The following RASAL2 variants were observed in gnomAD, a reference collection of about 807,000 sequenced individuals.
RASAL2 encodes the protein ras GTPase-activating protein nGAP.
A neutral mutation model predicts 128.9 loss-of-function variants in RASAL2; 58 were observed. The ratio of observed to expected loss-of-function variants is 0.45; its 90% CI spans 0.36 to 0.56. RASAL2 has a LOEUF of 0.56. Among genes scored for constraint, RASAL2 ranks in the 20% least tolerant of loss-of-function variants. RASAL2 has a pLI of 0.00. For synonymous variants in RASAL2, 561 were observed against 580.8 expected, an observed-to-expected ratio of 0.97 and a Z score of 0.49; for missense variants, 1,360 against 1,601.6, an observed-to-expected ratio of 0.85 and a Z score of 2.57.
rs983018968 is a variant in RASAL2 at position 178,475,638 on chromosome 1, T to C, written c.*2399T>C. 1 of 152,200 alleles carries C rather than the reference T, an allele frequency of 6.6e-6. No individual in the cohort carries two copies. The highest frequency in any genetic ancestry group is 1.9e-4 in the East Asian group (1 of 5,192). The allele number at this position is 152,200 out of a possible 1,614,324, so 9.4% of individuals were successfully genotyped here. On this transcript the variant is annotated 3_prime_UTR_variant, in exon 18 of 18. Transcript: ENST00000367649. ...AGAGGGCTGATAAAATTACTTATAT[T>C]GGGAATTGAGAGAAGCCCCAAAAAA...
chr1:178,351,732 G>GA (rs571231229), intron 3 of RASAL2, among the ~76,000 whole-genome samples: 25,863 of 110,882 alleles, frequency 0.23, 3,484 homozygotes, highest in African/African-American at 0.41. Flanking sequence ...CTATCTCAAG[G>GA]AAAAAAAAAA....
intron 1 of RASAL2, among the ~76,000 whole-genome samples, chr1:178,128,326 T>C (rs1187802473): frequency 6.6e-6 from 1 of 152,160 alleles, no homozygotes; most frequent in Non-Finnish European, 1.5e-5. Context: ...ATTTATTAAC[T>C]GAATAACATA....
intron 5 of RASAL2, among the ~76,000 whole-genome samples, chr1:178,424,066 G>A (rs1675339662): frequency 6.6e-6 from 1 of 152,102 alleles, no homozygotes; most frequent in African/African-American, 2.4e-5. Flanking sequence ...CTCAAGAGGT[G>A]AGGGACCTGT....
chr1:178,395,389 C>CTT (rs1673149553), intron 4 of RASAL2, among the ~76,000 whole-genome samples: 1 of 152,130 alleles, frequency 6.6e-6, no homozygotes, highest in African/African-American at 2.4e-5. Flanking sequence ...ACATAAGAAA[C>CTT]TAAGAAGCAG....
At chr1:178,162,379 T>TA (rs1288384073) in intron 1 of RASAL2, among the ~76,000 whole-genome samples, 1 of 116,956 alleles carries the variant, frequency 8.6e-6, no homozygotes, top group Non-Finnish European at 1.7e-5. Context: ...TAATATATAT[T>TA]TATATATTAT....
At position 178,458,147 on chromosome 1, in the gene RASAL2, G is replaced by C. The variant is rs1221791381; in HGVS notation, c.2855G>C (p.Ser952Thr). The change falls in exon 14 of 18, where the codon AGT becomes ACT. Residue 952 changes from serine to threonine, a missense_variant. Ser to Thr is a moderately conservative substitution (Grantham distance 58, BLOSUM62 1). Transcript: ENST00000367649. Reference sequence around the variant, plus strand: ...AGTTTGGAGAACCTAAGCACTGCCAGTTCCAGAAGCCAAAGTAACAGTGAA... The same window carrying C: ...AGTTTGGAGAACCTAAGCACTGCCACTTCCAGAAGCCAAAGTAACAGTGAA... ...DSSLENLSTA[S>T]SRSQSNSEDF... The C allele has an allele frequency of 1.1e-5, 18 of 1,614,212 alleles. No individual in the cohort carries two copies. Among genetic ancestry groups the C allele is most frequent in the Non-Finnish European group, 1.4e-5 (16 of 1,180,042 alleles).
intron 3 of RASAL2, among the ~76,000 whole-genome samples, chr1:178,319,974 T>C (rs1021607560): frequency 6.6e-6 from 1 of 152,086 alleles, no homozygotes; most frequent in African/African-American, 2.4e-5. Context: ...GGGTTTTCGG[T>C]GTGGATGTCC....
chr1:178,460,422 G>A (rs1678106605), intron 14 of RASAL2, among the ~76,000 whole-genome samples: 1 of 151,908 alleles, frequency 6.6e-6, no homozygotes, highest in African/African-American at 2.4e-5. Context: ...GGAACCAGTT[G>A]TCATTTATAA....
chr1:178,452,782 CA>C, intron 11 of RASAL2, 130 bp downstream of exon 11: 2 of 718,012 alleles, frequency 2.8e-6, no homozygotes, highest in Non-Finnish European at 4.6e-6. Context: ...ATAAATATAG[CA>C]AAAAAATGGA....
At chr1:178,264,560 C>CT (rs1041649380) in intron 1 of RASAL2, among the ~76,000 whole-genome samples, 2 of 152,014 alleles carry the variant, frequency 1.3e-5, no homozygotes, top group African/African-American at 4.8e-5. Context: ...GTATATAGTA[C>CT]TTACTATTAT....
chr1:178,122,302 A>G (rs1217686401), intron 1 of RASAL2, among the ~76,000 whole-genome samples: 3 of 152,164 alleles, frequency 2.0e-5, no homozygotes, highest in Non-Finnish European at 4.4e-5. Context: ...CAAGTATGGG[A>G]TTGTTTATAT....
chr1:178,462,351 T>G (rs972978097), intron 14 of RASAL2, among the ~76,000 whole-genome samples: 1 of 152,180 alleles, frequency 6.6e-6, no homozygotes, highest in Non-Finnish European at 1.5e-5. Flanking sequence ...AAATGAATAA[T>G]ATTTTATTGA....
At position 178,201,917 on chromosome 1, in the gene RASAL2, G is replaced by T. The variant is rs182395607; in HGVS notation, c.203-81647G>T. Among the ~76,000 whole-genome samples the T allele has an allele frequency of 5.6e-3, 851 of 152,284 alleles. 4 individuals are homozygous for T. The highest frequency in any genetic ancestry group is 0.019 in the African/African-American group (810 of 41,552). ...GACCCAGAACCCCTTGAATGAAGGG[G>T]AGGCCGGGTCCCCTTGAAGAAGGAT... On this transcript the variant is annotated intron_variant, in intron 1 of 17. Coordinates refer to ENST00000367649, the MANE Select transcript of RASAL2 (RefSeq NM_170692.4).
In RASAL2 at chr1:178,274,360, G is replaced by A. The variant is rs191100491; in HGVS notation, c.203-9204G>A. Among the ~76,000 whole-genome samples, 42 of 152,170 alleles carry A rather than the reference G, an allele frequency of 2.8e-4. 1 individual carries two copies. Among genetic ancestry groups the A allele is most frequent in the African/African-American group, 8.7e-4 (36 of 41,496 alleles). ...AGCTGCCCCTAAAGGAAAGTGATGCGATCCAATTCAAAAAGAGGCAAGCAT... is the reference window on the plus strand; with the variant it reads ...AGCTGCCCCTAAAGGAAAGTGATGCAATCCAATTCAAAAAGAGGCAAGCAT... On this transcript the variant is annotated intron_variant, in intron 1 of 17. Coordinates refer to ENST00000367649, the MANE Select transcript of RASAL2 (RefSeq NM_170692.4).
intron 1 of RASAL2, among the ~76,000 whole-genome samples, chr1:178,179,931 G>A (rs866658431): frequency 2.0e-5 from 3 of 152,136 alleles, no homozygotes; most frequent in Non-Finnish European, 2.9e-5. Context: ...AGCCAACTAT[G>A]CCATTGTACA....
At chr1:178,111,542 C>A (rs997031844) in intron 1 of RASAL2, among the ~76,000 whole-genome samples, 1 of 152,156 alleles carries the variant, frequency 6.6e-6, no homozygotes, top group African/African-American at 2.4e-5. Context: ...TCCATGTTTT[C>A]CTACCAGCAG....
chr1:178,351,653 C>G (rs182806882), intron 3 of RASAL2, among the ~76,000 whole-genome samples: 1 of 151,206 alleles, frequency 6.6e-6, no homozygotes, highest in East Asian at 1.9e-4. Context: ...GGCGTGAACC[C>G]GTGAGGCAGA....
At chr1:178,292,693 A>C (rs2102244009) in intron 2 of RASAL2, among the ~76,000 whole-genome samples, 1 of 152,326 alleles carries the variant, frequency 6.6e-6, no homozygotes, top group East Asian at 1.9e-4. Context: ...AGATGAGACC[A>C]AGTAAATTTG....
intron 6 of RASAL2, among the ~76,000 whole-genome samples, chr1:178,440,210 A>G (rs929550899): frequency 2.8e-4 from 43 of 152,070 alleles, no homozygotes; most frequent in Admixed American, 4.6e-4. Context: ...ATGTATTTAT[A>G]CATACATAGA....
Sources: allele counts gnomAD v4.1 joint callset (sites outside exome capture counted in the v4.1 genomes callset), GRCh38; gene constraint gnomAD v4.1.1; transcripts MANE v1.5; gene names NCBI Gene and HGNC (gene_info 2026-07-23, HGNC 2026-07-21).